Variants in SLCO4C1 observed in about 807,000 individuals in gnomAD.
The protein encoded by SLCO4C1 is organic anion transporter M1.
A neutral mutation model predicts 72.1 loss-of-function variants in SLCO4C1; 58 were observed. That is an observed-to-expected ratio of 0.80 (90% CI 0.65 to 1.00). The LOEUF is 1.00. SLCO4C1 is among the 50% of genes least tolerant of loss of function. SLCO4C1 has a pLI of 0.00. For synonymous variants in SLCO4C1, 297 were observed against 312.5 expected (o/e 0.95, Z 0.52); for missense variants, 898 against 857.9 (o/e 1.05, Z -0.58).
At chr5:102,269,137 C>A (rs945337539) in intron 3 of SLCO4C1, among the ~76,000 whole-genome samples, 6 of 152,084 alleles carry the variant, frequency 3.9e-5, no homozygotes, top group Non-Finnish European at 8.8e-5. Flanking sequence ...ATATAATACA[C>A]CTTGAAGAGG....
At chr5:102,278,888 A>G (rs1749303499) in intron 2 of SLCO4C1, among the ~76,000 whole-genome samples, 1 of 151,988 alleles carries the variant, frequency 6.6e-6, no homozygotes, top group Non-Finnish European at 1.5e-5. Flanking sequence ...ATACATTAGA[A>G]AAAATAAAAA....
At chr5:102,277,112 G>A (rs908842023) in intron 2 of SLCO4C1, among the ~76,000 whole-genome samples, 1 of 151,958 alleles carries the variant, frequency 6.6e-6, no homozygotes, top group Non-Finnish European at 1.5e-5. Flanking sequence ...AAAAAAAGAG[G>A]CACAAGAAAA....
At chr5:102,247,728 T>C (rs1748660883) in intron 9 of SLCO4C1, among the ~76,000 whole-genome samples, 1 of 152,248 alleles carries the variant, frequency 6.6e-6, no homozygotes, top group East Asian at 1.9e-4. Context: ...ATAAGTTACA[T>C]GACCTTGCAC....
intron 2 of SLCO4C1, among the ~76,000 whole-genome samples, chr5:102,283,075 T>C (rs1749386362): frequency 6.6e-6 from 1 of 152,114 alleles, no homozygotes; most frequent in South Asian, 2.1e-4. Context: ...ATGAATTATT[T>C]TCTTATCTCG....
At chr5:102,291,975 C>T (rs963323426) in intron 1 of SLCO4C1, among the ~76,000 whole-genome samples, 1 of 152,024 alleles carries the variant, frequency 6.6e-6, no homozygotes, top group African/African-American at 2.4e-5. Flanking sequence ...GCATGCACCA[C>T]CACACCTGGC....
chr5:102,260,330 A>AAT lies in SLCO4C1; in HGVS notation c.1022-13_1022-12dup, dbSNP rs762693983. 2.0e-3 allele frequency: 97 copies of AAT among 49,498 alleles called. No individual in the cohort carries two copies. In the East Asian group the frequency reaches 0.03, roughly 15 times the overall value. The allele number at this position is 49,498 out of a possible 1,614,324, so 3.1% of individuals were successfully genotyped here. ...GAATTTCTGCTGTACCTAAAAAAAA[A>AAT]ATATATATATATATATAATATATAT... On this transcript the variant is annotated splice_polypyrimidine_tract_variant and intron_variant, in intron 5 of 12. Transcript: ENST00000310954.
chr5:102,271,011 C>T lies in SLCO4C1; in HGVS notation c.620-205G>A, dbSNP rs528339054. Among the ~76,000 whole-genome samples the T allele has an allele frequency of 2.8e-4, 42 of 152,208 alleles. No individual in the cohort carries two copies. In the East Asian group the frequency reaches 7.9e-3, roughly 29 times the overall value. On this transcript the variant is annotated intron_variant, in intron 2 of 12. Coordinates refer to ENST00000310954, the MANE Select transcript of SLCO4C1 (RefSeq NM_180991.5). Reference sequence around the variant, plus strand: ...CCCTCACTTTATGAAGGCCTATTCACTCCTATTCACCTCTGTCACTTAGAT... The same window carrying T: ...CCCTCACTTTATGAAGGCCTATTCATTCCTATTCACCTCTGTCACTTAGAT...
chr5:102,278,279 TGA>T (rs1305240489), intron 2 of SLCO4C1, among the ~76,000 whole-genome samples: 1 of 151,976 alleles, frequency 6.6e-6, no homozygotes, highest in Non-Finnish European at 1.5e-5. Context: ...CATTACATAA[TGA>T]AAAAATAGTC....
chr5:102,252,781 G>A (rs536652623), intron 8 of SLCO4C1, among the ~76,000 whole-genome samples: 43 of 152,134 alleles, frequency 2.8e-4, no homozygotes, highest in African/African-American at 1.0e-3. Flanking sequence ...ACTTCTTGAG[G>A]TAACTAGAAA....
At chr5:102,262,207 A>G (rs749938658) in intron 4 of SLCO4C1, among the ~76,000 whole-genome samples, 174 bp from the exon 5 acceptor site, 1 of 152,230 alleles carries the variant, frequency 6.6e-6, no homozygotes, top group African/African-American at 2.4e-5. Context: ...GACATAATTG[A>G]GAGTTATAAG....
At chr5:102,277,954 C>G (rs919109283) in intron 2 of SLCO4C1, among the ~76,000 whole-genome samples, 2 of 151,630 alleles carry the variant, frequency 1.3e-5, no homozygotes, top group Non-Finnish European at 2.9e-5. Flanking sequence ...AATAGAGAAA[C>G]AAAAAACAAA....
intron 9 of SLCO4C1, among the ~76,000 whole-genome samples, chr5:102,248,523 G>A (rs1748677501): frequency 6.6e-6 from 1 of 152,034 alleles, no homozygotes; most frequent in Non-Finnish European, 1.5e-5. Flanking sequence ...TAGATTTTCT[G>A]TGTTGTTCCC....
intron 2 of SLCO4C1, among the ~76,000 whole-genome samples, chr5:102,274,058 G>A (rs973632795): frequency 7.2e-5 from 11 of 151,958 alleles, no homozygotes; most frequent in African/African-American, 7.3e-5. Flanking sequence ...GCATTTACAC[G>A]ACATTAGCTA....
intron 10 of SLCO4C1, among the ~76,000 whole-genome samples, chr5:102,244,890 A>C (rs1376735631): frequency 1.3e-5 from 2 of 152,190 alleles, no homozygotes; most frequent in Non-Finnish European, 2.9e-5. Flanking sequence ...GAAATGCTAA[A>C]GGGTGTACTT....
chr5:102,257,119 T>C lies in SLCO4C1; in HGVS notation c.1465A>G (p.Asn489Asp). Residue 489 changes from asparagine to aspartate, a missense_variant, in exon 8 of 13, where the codon AAT becomes GAT. Physicochemically the swap from Asn to Asp is conservative, Grantham distance 23 (BLOSUM62 1). Transcript: ENST00000310954. ...AAAGCACTGAATTGTATTTACCCAT[T>C]ATATGATTCAGATACACCAGCAAAT... is the stretch of plus-strand genomic sequence containing the variant. The part of the protein sequence containing the change: ...EPFAGVSESY[N>D]GTGELGNLIA... 1.3e-6 allele frequency: 2 copies of C among 1,571,060 alleles called. No individual in the cohort carries two copies. The highest frequency in any genetic ancestry group is 1.7e-6 in the Non-Finnish European group (2 of 1,161,996).
At chr5:102,267,128 T>C (rs1271175024) in intron 3 of SLCO4C1, among the ~76,000 whole-genome samples, 12 of 152,194 alleles carry the variant, frequency 7.9e-5, no homozygotes, top group Non-Finnish European at 1.8e-4. Flanking sequence ...ATCAGGGTAA[T>C]ACTGGTCTCA....
chr5:102,277,622 C>T (rs1237529618), intron 2 of SLCO4C1, among the ~76,000 whole-genome samples: 2 of 152,096 alleles, frequency 1.3e-5, no homozygotes, highest in Non-Finnish European at 2.9e-5. Context: ...CCAACAGTAA[C>T]AAGGAGCCTG....
chr5:102,240,545 T>C (rs1030235), intron 11 of SLCO4C1, among the ~76,000 whole-genome samples, 173 bp downstream of exon 11: 39,148 of 151,832 alleles, frequency 0.26, 6,264 homozygotes, highest in Non-Finnish European at 0.36. Context: ...GTTAAAAGTA[T>C]GCAATAAGTA....
chr5:102,263,862 C>A (rs1748987172), intron 3 of SLCO4C1, 82 bp from the exon 4 acceptor site: 1 of 1,028,222 alleles, frequency 9.7e-7, no homozygotes, highest in Non-Finnish European at 1.5e-6. Context: ...AAATATTTTA[C>A]TACAGAAAAA....
Sources: allele counts gnomAD v4.1 joint callset (sites outside exome capture counted in the v4.1 genomes callset), GRCh38; gene constraint gnomAD v4.1.1; transcripts MANE v1.5; gene names NCBI Gene and HGNC (gene_info 2026-07-23, HGNC 2026-07-21).